TLN2: variants seen among roughly 807,000 people sequenced by gnomAD.
The protein encoded by TLN2 is talin-2.
In TLN2, 118 loss-of-function variants were observed where a neutral mutation model predicts 294.7. The ratio of observed to expected loss-of-function variants is 0.40; its 90% confidence interval spans 0.34 to 0.47. The LOEUF is 0.47. Ranked by LOEUF, TLN2 falls within the 20% of genes least tolerant of loss-of-function variation. The pLI is 0.84. For missense variants in TLN2, 3,083 were observed against 3,282.2 expected (o/e 0.94, Z 1.48); for synonymous variants, 1,431 against 1,304.5 (o/e 1.10, Z -2.09).
intron 3 of TLN2, among the ~76,000 whole-genome samples, chr15:62,632,434 G>C (rs943250275): frequency 1.3e-5 from 2 of 152,156 alleles, no homozygotes; most frequent in Non-Finnish European, 1.5e-5. Context: ...AGTGACCTAG[G>C]CTCTTATTCC....
At chr15:62,809,328 T>C (rs1274222428) in intron 51 of TLN2, among the ~76,000 whole-genome samples, 1 of 152,194 alleles carries the variant, frequency 6.6e-6, no homozygotes, top group Non-Finnish European at 1.5e-5. Context: ...GCATGTGTGC[T>C]GGTTTGTGTA....
At chr15:62,512,132 A>G (rs1400579386) in intron 1 of TLN2, among the ~76,000 whole-genome samples, 1 of 152,186 alleles carries the variant, frequency 6.6e-6, no homozygotes, top group Non-Finnish European at 1.5e-5. Flanking sequence ...GTCTAAGCTT[A>G]GTATACTTTG....
At chr15:62,687,506 G>T (rs1444389531) in intron 12 of TLN2, among the ~76,000 whole-genome samples, 1 of 152,256 alleles carries the variant, frequency 6.6e-6, no homozygotes, top group East Asian at 1.9e-4. Flanking sequence ...TTCAACATTT[G>T]TTGTTAGCAG....
rs201426004 is a variant in TLN2, at chr15:62,805,618, G to T, written c.6496G>T (p.Val2166Leu). 1.9e-6 allele frequency: 3 copies of T among 1,605,968 alleles called. No homozygotes were observed. Among genetic ancestry groups the T allele is most frequent in the African/African-American group, 1.3e-5 (1 of 74,714 alleles). The change falls in exon 51 of 59, where the codon GTA becomes TTA. Residue 2166 changes from valine (V) to leucine (L), a missense_variant. Physicochemically the swap from Val to Leu is conservative, Grantham distance 32 (BLOSUM62 1). Transcript: ENST00000636159. The stretch of plus-strand genomic sequence containing the variant: ...CTTCCAGGTGTTCCAGTCAAAAGAC[G>T]TACCTGAAAAGACATCATCACCTGA... Reference protein sequence around the residue: ...QELTVFQSKDVPEKTSSPEES... With the variant: ...QELTVFQSKDLPEKTSSPEES...
chr15:62,445,160 C>T lies in TLN2; in HGVS notation c.-238+54475C>T, dbSNP rs897964052. Among the ~76,000 whole-genome samples the T allele has an allele frequency of 5.9e-5, 9 of 152,058 alleles. No homozygotes were observed. In the South Asian group the frequency reaches 1.7e-3, roughly 28 times the overall value. On this transcript the variant is annotated intron_variant, in intron 1 of 58. Coordinates refer to ENST00000636159, the MANE Select transcript of TLN2 (RefSeq NM_015059.3). Reference sequence around the variant, plus strand: ...GATAGAACTGGAGCTGTTGAAATGCCCAGGCTGCAGCACCTGCAGGTGTGA... The same window carrying T: ...GATAGAACTGGAGCTGTTGAAATGCTCAGGCTGCAGCACCTGCAGGTGTGA...
chr15:62,738,095 G>A, intron 29 of TLN2, 119 bp from the exon 30 acceptor site: 1 of 1,131,572 alleles, frequency 8.8e-7, no homozygotes, highest in Non-Finnish European at 1.3e-6. Context: ...AGAGTGGCAG[G>A]TGGATGCTGG....
At chr15:62,390,915 C>G (rs745311225) in intron 1 of TLN2, among the ~76,000 whole-genome samples, 1 of 152,236 alleles carries the variant, frequency 6.6e-6, no homozygotes, top group Non-Finnish European at 1.5e-5. Flanking sequence ...AATTAATGCA[C>G]CTGTCTATTG....
chr15:62,671,639 G>C (rs147664726), intron 9 of TLN2, among the ~76,000 whole-genome samples: 1 of 152,182 alleles, frequency 6.6e-6, no homozygotes, highest in Non-Finnish European at 1.5e-5. Flanking sequence ...ATTGACCTGT[G>C]TATCTGTTCT....
chr15:62,825,835 T>TA (rs1326980172), intron 54 of TLN2, among the ~76,000 whole-genome samples: 97 of 7,054 alleles, frequency 0.014, 4 homozygotes, highest in Non-Finnish European at 0.095. Flanking sequence ...TTATAATATA[T>TA]AATATATATA....
At chr15:62,786,231 A>G (rs568350234) in intron 45 of TLN2, among the ~76,000 whole-genome samples, 13 of 152,348 alleles carry the variant, frequency 8.5e-5, no homozygotes, top group East Asian at 3.9e-4. Flanking sequence ...AGGGCCCCCT[A>G]TCACAACATG....
chr15:62,730,757 G>GT (rs2060680609), intron 28 of TLN2, among the ~76,000 whole-genome samples: 1 of 152,014 alleles, frequency 6.6e-6, no homozygotes, highest in Non-Finnish European at 1.5e-5. Flanking sequence ...TGCTTTTTGA[G>GT]TTTTTTTAGT....
chr15:62,428,906 C>T (rs1336797889), intron 1 of TLN2, among the ~76,000 whole-genome samples: 2 of 152,132 alleles, frequency 1.3e-5, no homozygotes, highest in South Asian at 4.2e-4. Flanking sequence ...CTTCAAGAAT[C>T]ACCTGGGACG....
chr15:62,809,043 T>G lies in TLN2; in HGVS notation c.6664-882T>G, dbSNP rs143913770. ...GTGTTTGTCCTGATTAGCAGTGTAT[T>G]TGTAGTTTTATGTATTTCTGCAAGC... On this transcript the variant is annotated intron_variant, in intron 51 of 58. Coordinates refer to ENST00000636159, the MANE Select transcript of TLN2 (RefSeq NM_015059.3). Among the ~76,000 whole-genome samples, 172 of 152,314 alleles carry G rather than the reference T, an allele frequency of 1.1e-3. 3 individuals carry two copies. The highest frequency in any genetic ancestry group is 4.1e-3 in the African/African-American group (170 of 41,574).
chr15:62,443,063 G>A (rs1225167989), intron 1 of TLN2, among the ~76,000 whole-genome samples: 1 of 151,998 alleles, frequency 6.6e-6, no homozygotes. Context: ...GTGATTACAC[G>A]AGGTGCACCT....
chr15:62,648,906 C>A (rs2052251402), intron 4 of TLN2, among the ~76,000 whole-genome samples: 1 of 151,876 alleles, frequency 6.6e-6, no homozygotes, highest in Non-Finnish European at 1.5e-5. Flanking sequence ...AGTGCAGTGG[C>A]CCCATCACAC....
At chr15:62,770,336 T>G (rs547988637) in intron 41 of TLN2, among the ~76,000 whole-genome samples, 1 of 152,322 alleles carries the variant, frequency 6.6e-6, no homozygotes, top group African/African-American at 2.4e-5. Flanking sequence ...TTAGTGAGCG[T>G]GGATGGATAT....
In TLN2 at chr15:62,525,680, G is replaced by A. The variant is rs1033601648; in HGVS notation, c.-237-64007G>A. ...CTTTTATTACTCCTTCAGTAACAGG[G>A]TTCTGGATACCTTATAGAAAATAGG... On this transcript the variant is annotated intron_variant, in intron 1 of 58. Transcript: ENST00000636159. Among the ~76,000 whole-genome samples, 8 of 152,308 alleles carry A rather than the reference G, an allele frequency of 5.3e-5. No individual in the cohort carries two copies. The East Asian group carries it at 1.3e-3, about 26-fold the overall frequency.
chr15:62,837,640 C>G (rs2069891162), intron 57 of TLN2, among the ~76,000 whole-genome samples: 1 of 152,180 alleles, frequency 6.6e-6, no homozygotes, highest in African/African-American at 2.4e-5. Context: ...CTAGATGGAC[C>G]TATGTGCAGA....
chr15:62,834,095 CCAGT>C (rs2069185389), intron 55 of TLN2: 1 of 152,818 alleles, frequency 6.5e-6, no homozygotes, highest in African/African-American at 2.4e-5. Flanking sequence ...GGTGAATGGG[CCAGT>C]CAGATTTTAA....
Sources: gnomAD v4.1 joint callset for allele counts (sites outside exome capture counted in the v4.1 genomes callset) on GRCh38, gnomAD v4.1.1 for gene constraint, MANE v1.5 for transcripts, NCBI Gene and HGNC (gene_info 2026-07-23, HGNC 2026-07-21) for gene names.